The following ATE1 variants were observed in gnomAD, a reference collection of about 807,000 sequenced individuals.
The protein encoded by ATE1 is arginyltransferase 1.
A neutral mutation model predicts 70.5 loss-of-function variants in ATE1; 36 were observed. The observed-to-expected ratio is 0.51, with a 90% CI of 0.39 to 0.67. The LOEUF is 0.67. Among genes scored for constraint, ATE1 ranks in the 30% least tolerant of loss-of-function variants. The pLI, the probability that ATE1 is intolerant of heterozygous loss-of-function variation, is 0.00. For synonymous variants in ATE1, 232 were observed against 219.3 expected (o/e 1.06, Z -0.51); for missense variants, 593 against 629.5 (o/e 0.94, Z 0.62).
chr10:121,928,036 G>C, upstream of ATE1: 1 of 1,254,784 alleles, frequency 8.0e-7, no homozygotes, highest in Non-Finnish European at 1.0e-6. Context: ...CGCGCCGCCC[G>C]GGAGCCTCCC....
chr10:121,870,399 C>G (rs1157692283), intron 7 of ATE1, among the ~76,000 whole-genome samples: 2 of 152,094 alleles, frequency 1.3e-5, no homozygotes. Flanking sequence ...CTAAATTTGA[C>G]AGGCAAAGTT....
At chr10:121,750,000 G>A (rs1944517052) in intron 11 of ATE1, among the ~76,000 whole-genome samples, 1 of 152,020 alleles carries the variant, frequency 6.6e-6, no homozygotes, top group African/African-American at 2.4e-5. Context: ...ACTTAGTTAC[G>A]TTCCTAAGAA....
chr10:121,868,131 A>C (rs1949725481), intron 8 of ATE1, among the ~76,000 whole-genome samples: 1 of 152,166 alleles, frequency 6.6e-6, no homozygotes, highest in Non-Finnish European at 1.5e-5. Context: ...AGATATCTTG[A>C]TAGGTTAAAA....
At chr10:121,889,921 A>T (rs780017091) in intron 7 of ATE1, among the ~76,000 whole-genome samples, 2 of 152,242 alleles carry the variant, frequency 1.3e-5, no homozygotes, top group African/African-American at 4.8e-5. Flanking sequence ...TTGTGGTTAT[A>T]TAAGAGAATA....
At chr10:121,759,836 C>G (rs7905164) in intron 11 of ATE1, among the ~76,000 whole-genome samples, 1 of 152,124 alleles carries the variant, frequency 6.6e-6, no homozygotes, top group Non-Finnish European at 1.5e-5. Context: ...TACACTAAAC[C>G]AGAGATTTTC....
chr10:121,765,679 G>A lies in ATE1; in HGVS notation c.1379-21821C>T, dbSNP rs572504399. On this transcript the variant is annotated intron_variant, in intron 11 of 11. Coordinates refer to ENST00000224652, the MANE Select transcript of ATE1 (RefSeq NM_001001976.3). ...AAAACTCCCAAACTGCCACATTCATGTGGGGATTTTTCATTTCTGCTCCCA... is the reference window on the plus strand; with the variant it reads ...AAAACTCCCAAACTGCCACATTCATATGGGGATTTTTCATTTCTGCTCCCA... 1.5e-3 allele frequency among the ~76,000 whole-genome samples: 221 copies of A among 152,326 alleles called. 2 individuals are homozygous for A. The highest frequency in any genetic ancestry group is 0.013 in the South Asian group (65 of 4,832).
intron 8 of ATE1, among the ~76,000 whole-genome samples, chr10:121,841,573 A>C (rs1391044374): frequency 6.6e-6 from 1 of 152,208 alleles, no homozygotes; most frequent in African/African-American, 2.4e-5. Context: ...TTCCATTTCT[A>C]TACTACTCAG....
intron 3 of ATE1, among the ~76,000 whole-genome samples, chr10:121,918,784 G>C (rs139067649): frequency 2.7e-5 from 4 of 148,108 alleles, no homozygotes; most frequent in African/African-American, 2.5e-5. Flanking sequence ...CCAATCCAAC[G>C]GCCAGCTGGA....
intron 8 of ATE1, among the ~76,000 whole-genome samples, chr10:121,850,182 A>G (rs1948999507): frequency 6.6e-6 from 1 of 152,274 alleles, no homozygotes; most frequent in Non-Finnish European, 1.5e-5. Flanking sequence ...AGCAATTAAC[A>G]ACATAAGCAT....
chr10:121,778,871 G>C (rs752414731), intron 11 of ATE1, among the ~76,000 whole-genome samples: 22 of 152,060 alleles, frequency 1.4e-4, no homozygotes, highest in Non-Finnish European at 2.9e-4. Context: ...CCAAAGTTCT[G>C]GGATTACAGG....
chr10:121,917,418 G>A (rs1055193482), intron 3 of ATE1, among the ~76,000 whole-genome samples: 1 of 152,126 alleles, frequency 6.6e-6, no homozygotes. Flanking sequence ...AAAAACTTGT[G>A]CAGGAAAAGT....
At chr10:121,885,242 C>A (rs1950346369) in intron 7 of ATE1, among the ~76,000 whole-genome samples, 1 of 108,350 alleles carries the variant, frequency 9.2e-6, no homozygotes. Flanking sequence ...GCCTGGGCAA[C>A]AGAGCGAGAC....
At chr10:121,887,581 C>T (rs971407835) in intron 7 of ATE1, among the ~76,000 whole-genome samples, 2 of 152,082 alleles carry the variant, frequency 1.3e-5, no homozygotes, top group Admixed American at 6.6e-5. Flanking sequence ...TGATGTGCAC[C>T]TGTACTCCTA....
intron 10 of ATE1, among the ~76,000 whole-genome samples, chr10:121,816,426 C>G (rs1443645336): frequency 6.6e-6 from 1 of 152,176 alleles, no homozygotes; most frequent in Non-Finnish European, 1.5e-5. Context: ...GGGCTCCACC[C>G]TCATCAATGG....
rs886823077 is a variant in ATE1 at position 121,902,331 on chromosome 10, C to T, written c.813+60G>A. ...AATTAGAACTTCAAATAAAAATAAA[C>T]GATATGCCCAAACAAAAAAAAATCA... On this transcript the variant is annotated intron_variant, in intron 6 of 11. Transcript: ENST00000224652. The T allele has an allele frequency of 3.4e-5, 48 of 1,427,868 alleles. 1 individual carries two copies. Among genetic ancestry groups the T allele is most frequent in the Admixed American group, 2.5e-4 (12 of 47,104 alleles). 88.4% of individuals were successfully genotyped at this position (1,427,868 alleles called of 1,614,324 possible). A position where few individuals can be genotyped will look rare whatever the true frequency, so the allele number is the denominator to read the frequency against.
At chr10:121,820,972 C>T (rs1267327201) in intron 10 of ATE1, among the ~76,000 whole-genome samples, 3 of 152,268 alleles carry the variant, frequency 2.0e-5, no homozygotes, top group Admixed American at 1.3e-4. Flanking sequence ...GATGGAGTCT[C>T]GTTCTGTCGC....
intron 10 of ATE1, 57 bp from the exon 11 acceptor site, chr10:121,790,346 T>C: frequency 6.3e-7 from 1 of 1,593,594 alleles, no homozygotes; most frequent in Non-Finnish European, 8.5e-7. Flanking sequence ...ATGCCAGAGA[T>C]AAAGGGATGA....
rs1172444862 is a variant in ATE1, at chr10:121,890,366, C to A, written c.942+9500G>T. Among the ~76,000 whole-genome samples, 23 of 152,104 alleles carry A rather than the reference C, an allele frequency of 1.5e-4. No individual in the cohort carries two copies. In the South Asian group the frequency reaches 4.4e-3, roughly 29 times the overall value. ...GTAGAAGCACATCTCATTGTTTGAA[C>A]ATGTATGCTAAAGAATTTAGTAGTA... is the stretch of plus-strand genomic sequence containing the variant. On this transcript the variant is annotated intron_variant, in intron 7 of 11. Transcript: ENST00000224652.
At chr10:121,907,003 C>T (rs911459202) in intron 5 of ATE1, among the ~76,000 whole-genome samples, 1 of 152,140 alleles carries the variant, frequency 6.6e-6, no homozygotes, top group African/African-American at 2.4e-5. Flanking sequence ...AGTAACCATA[C>T]TGCTGGAAGT....
Sources: allele counts gnomAD v4.1 joint callset (sites outside exome capture counted in the v4.1 genomes callset), GRCh38; gene constraint gnomAD v4.1.1; transcripts MANE v1.5; gene names NCBI Gene and HGNC (gene_info 2026-07-23, HGNC 2026-07-21).